The following SRPK2 variants were observed in gnomAD, a reference collection of about 807,000 sequenced individuals.
SRPK2 encodes SFRS protein kinase 2.
In SRPK2, 21 loss-of-function variants were observed where a neutral mutation model predicts 90.8. The observed-to-expected ratio is 0.23, with a 90% confidence interval of 0.16 to 0.33. The LOEUF is 0.33. Among genes scored for constraint, SRPK2 ranks in the 10% least tolerant of loss-of-function variants. The pLI is 1.00. For synonymous variants in SRPK2, 288 were observed against 311.1 expected (o/e 0.93, Z 0.78); for missense variants, 620 against 869.0 (o/e 0.71, Z 3.60).
chr7:105,160,215 G>C (rs1807386055), intron 7 of SRPK2: 1 of 201,868 alleles, frequency 5.0e-6, no homozygotes. Flanking sequence ...AGTAGATACT[G>C]AACAAAAACA....
At chr7:105,216,433 ACTC>A (rs1797476340) in intron 2 of SRPK2, among the ~76,000 whole-genome samples, 1 of 151,726 alleles carries the variant, frequency 6.6e-6, no homozygotes, top group Non-Finnish European at 1.5e-5. Context: ...CCCCCCAAAA[ACTC>A]CTTTCAGGAG....
At chr7:105,319,637 T>C (rs991180949) in intron 2 of SRPK2, among the ~76,000 whole-genome samples, 1 of 151,878 alleles carries the variant, frequency 6.6e-6, no homozygotes, top group Non-Finnish European at 1.5e-5. Context: ...ATTTAAGTCC[T>C]TGTGGAGGAT....
chr7:105,393,706 A>G (rs948379237), upstream of SRPK2, among the ~76,000 whole-genome samples: 1 of 151,986 alleles, frequency 6.6e-6, no homozygotes, highest in African/African-American at 2.4e-5. Context: ...ATTTTAAAAT[A>G]TAGAATTCAG....
At chr7:105,395,158 G>C (rs1277997509) in intron 1 of SRPK2, among the ~76,000 whole-genome samples, 2 of 152,024 alleles carry the variant, frequency 1.3e-5, no homozygotes, top group Non-Finnish European at 2.9e-5. Flanking sequence ...GGGCAACAGA[G>C]TGAGACTCCA....
intron 2 of SRPK2, among the ~76,000 whole-genome samples, chr7:105,285,885 C>G (rs572398186): frequency 6.6e-6 from 1 of 152,124 alleles, no homozygotes; most frequent in South Asian, 2.1e-4. Flanking sequence ...TCAGGTATTC[C>G]GTTATAGCAA....
At chr7:105,325,486 CAAAAA>C (rs33959633) in intron 2 of SRPK2, among the ~76,000 whole-genome samples, 2 of 86,110 alleles carry the variant, frequency 2.3e-5, no homozygotes, top group Non-Finnish European at 4.1e-5. Flanking sequence ...ACCAAGTCTT[CAAAAA>C]AAAAAAAAAA....
chr7:105,272,065 C>CT (rs2130564680), intron 2 of SRPK2, among the ~76,000 whole-genome samples: 1 of 152,268 alleles, frequency 6.6e-6, no homozygotes, highest in South Asian at 2.1e-4. Flanking sequence ...ATCCAGTCTG[C>CT]TTTTACAAGT....
intron 6 of SRPK2, among the ~76,000 whole-genome samples, chr7:105,166,418 A>G (rs927992027): frequency 6.6e-6 from 1 of 152,248 alleles, no homozygotes; most frequent in African/African-American, 2.4e-5. Flanking sequence ...TTTTAAGGTT[A>G]TGTTTAAAAG....
At chr7:105,265,497 T>A (rs916349223) in intron 2 of SRPK2, among the ~76,000 whole-genome samples, 1 of 152,078 alleles carries the variant, frequency 6.6e-6, no homozygotes, top group African/African-American at 2.4e-5. Flanking sequence ...GGGACAACTG[T>A]ACTACACCTT....
chr7:105,167,315 G>T (rs1462256032), intron 6 of SRPK2, 62 bp downstream of exon 6: 2 of 1,390,118 alleles, frequency 1.4e-6, no homozygotes, highest in Non-Finnish European at 2.0e-6. Flanking sequence ...GATTATAGGA[G>T]CTTGAAATAT....
intron 2 of SRPK2, among the ~76,000 whole-genome samples, chr7:105,235,916 G>C (rs1277868245): frequency 1.3e-5 from 2 of 152,202 alleles, no homozygotes; most frequent in African/African-American, 4.8e-5. Flanking sequence ...TTGGGGAAAG[G>C]GGAATTCATT....
intron 3 of SRPK2, among the ~76,000 whole-genome samples, 179 bp from the exon 4 acceptor site, chr7:105,169,444 T>G (rs1163971845): frequency 2.6e-5 from 4 of 152,224 alleles, no homozygotes; most frequent in African/African-American, 4.8e-5. Flanking sequence ...GAAAAAGTGT[T>G]GGCTGGATGT....
chr7:105,206,760 G>A (rs1796279944), intron 2 of SRPK2, among the ~76,000 whole-genome samples: 1 of 152,116 alleles, frequency 6.6e-6, no homozygotes, highest in Non-Finnish European at 1.5e-5. Flanking sequence ...ACCCAAAAAA[G>A]TAAAAATATT....
intron 2 of SRPK2, among the ~76,000 whole-genome samples, chr7:105,226,301 T>C (rs548470531): frequency 3.9e-5 from 6 of 152,176 alleles, no homozygotes; most frequent in African/African-American, 1.4e-4. Flanking sequence ...AATAATTTTT[T>C]TTTTAACAGA....
chr7:105,117,652 G>T lies in SRPK2; in HGVS notation c.*186C>A. ...GTAAACTACTTAGCTGAAGACAAAA[G>T]ACTACCCTTCCCCAGGATCACAGTG... On this transcript the variant is annotated 3_prime_UTR_variant, in exon 16 of 16. Transcript: ENST00000393651. 1 of 615,410 alleles carries T rather than the reference G, an allele frequency of 1.6e-6. No homozygotes were observed. 38.1% of individuals were successfully genotyped at this position (615,410 alleles called of 1,614,324 possible). A position where few individuals can be genotyped will look rare whatever the true frequency, so the allele number is the denominator to read the frequency against.
rs559287842 is a variant in SRPK2, at chr7:105,183,661, G to C, written c.230-14396C>G. Among the ~76,000 whole-genome samples, 9 of 151,100 alleles carry C rather than the reference G, an allele frequency of 6.0e-5. No individual in the cohort carries two copies. In the South Asian group the frequency reaches 1.9e-3, roughly 32 times the overall value. ...GCCACCACACCTGGCTAATTTTTTT[G>C]TATTTTTAGTAAAGATGGGGTTTTC... is the stretch of plus-strand genomic sequence containing the variant. On this transcript the variant is annotated intron_variant, in intron 3 of 15. Transcript: ENST00000393651.
downstream of SRPK2, chr7:105,116,279 T>C (rs932000246): frequency 1.3e-5 from 2 of 152,212 alleles, no homozygotes; most frequent in African/African-American, 4.8e-5. Context: ...CTACATCTGC[T>C]GCAACAGGAA....
intron 3 of SRPK2, among the ~76,000 whole-genome samples, chr7:105,178,506 G>C (rs79002359): frequency 0.019 from 2,903 of 152,272 alleles, 62 homozygotes; most frequent in Non-Finnish European, 0.027. Flanking sequence ...AAAGACACGG[G>C]AGGATTCCTA....
intron 2 of SRPK2, among the ~76,000 whole-genome samples, chr7:105,364,405 G>GAGTTTTTTTTT (rs572930883): frequency 2.2e-5 from 3 of 133,906 alleles, no homozygotes; most frequent in Admixed American, 7.9e-5. Flanking sequence ...CGTGTGTAAC[G>GAGTTTTTTTTT]TTTTTTTTTT....
Sources: allele counts gnomAD v4.1 joint callset (sites outside exome capture counted in the v4.1 genomes callset), GRCh38; gene constraint gnomAD v4.1.1; transcripts MANE v1.5; gene names NCBI Gene and HGNC (gene_info 2026-07-23, HGNC 2026-07-21).